The following KLHL3 variants were observed in gnomAD, a reference collection of about 807,000 sequenced individuals.
KLHL3 encodes the protein kelch-like protein 3.
A neutral mutation model predicts 70.5 loss-of-function variants in KLHL3; 19 were observed. The observed-to-expected ratio is 0.27, with a 90% confidence interval of 0.19 to 0.40. The LOEUF (loss-of-function observed/expected upper bound fraction) is 0.40, where lower values mean the gene tolerates loss of function less well. Among genes scored for constraint, KLHL3 ranks in the 10% least tolerant of loss-of-function variants. The pLI is 1.00. For missense variants in KLHL3, 512 were observed against 771.1 expected, an observed-to-expected ratio of 0.66 and a Z score of 3.98; for synonymous variants, 258 against 290.3, an observed-to-expected ratio of 0.89 and a Z score of 1.13.
chr5:137,699,304 C>A (rs1314730543), intron 3 of KLHL3, among the ~76,000 whole-genome samples: 1 of 151,938 alleles, frequency 6.6e-6, no homozygotes, highest in Non-Finnish European at 1.5e-5. Flanking sequence ...GGTGAAATGG[C>A]GAGAGGTTGG....
intron 7 of KLHL3, chr5:137,661,224 G>C (rs932086511): frequency 6.6e-6 from 1 of 152,156 alleles, no homozygotes; most frequent in African/African-American, 2.4e-5. Context: ...CCTCTCTAAG[G>C]CTAGTGACCC....
intron 5 of KLHL3, among the ~76,000 whole-genome samples, chr5:137,679,514 A>G (rs6874592): frequency 0.021 from 3,209 of 152,314 alleles, 119 homozygotes; most frequent in African/African-American, 0.073. Context: ...GAGGTAAGAA[A>G]GTAAAATTCT....
chr5:137,731,528 T>A (rs917188524), intron 1 of KLHL3, among the ~76,000 whole-genome samples: 1 of 152,174 alleles, frequency 6.6e-6, no homozygotes, highest in African/African-American at 2.4e-5. Context: ...ATATTCTCTA[T>A]CTGTCGTTCC....
chr5:137,657,286 A>G (rs950178302), intron 8 of KLHL3, among the ~76,000 whole-genome samples: 41 of 152,294 alleles, frequency 2.7e-4, no homozygotes, highest in African/African-American at 7.5e-4. Context: ...CTACTGTGTC[A>G]TCAATGAGAC....
At chr5:137,644,485 G>C (rs988351331) in intron 8 of KLHL3, among the ~76,000 whole-genome samples, 1 of 152,130 alleles carries the variant, frequency 6.6e-6, no homozygotes, top group Non-Finnish European at 1.5e-5. Flanking sequence ...AAACATGAGA[G>C]TACAGATATC....
chr5:137,662,321 T>C (rs1254193002), intron 6 of KLHL3, among the ~76,000 whole-genome samples: 1 of 151,432 alleles, frequency 6.6e-6, no homozygotes, highest in Non-Finnish European at 1.5e-5. Flanking sequence ...AGAATCATCA[T>C]GGTTCATTCT....
intron 11 of KLHL3, 110 bp from the exon 12 acceptor site, chr5:137,634,275 G>A: frequency 8.0e-7 from 1 of 1,257,734 alleles, no homozygotes; most frequent in Non-Finnish European, 1.1e-6. Context: ...TCAGAATTCT[G>A]TTCCCTCTTT....
At chr5:137,722,115 G>A (rs900762871) in intron 1 of KLHL3, among the ~76,000 whole-genome samples, 3 of 152,190 alleles carry the variant, frequency 2.0e-5, no homozygotes, top group South Asian at 4.1e-4. Flanking sequence ...TTTCCCTAGT[G>A]AGCCTCTATC....
chr5:137,709,675 T>G, intron 3 of KLHL3, 75 bp downstream of exon 3: 2 of 1,174,496 alleles, frequency 1.7e-6, no homozygotes, highest in Non-Finnish European at 2.6e-6. Context: ...CCTCCCCTCA[T>G]GTCACCACCC....
intron 10 of KLHL3, among the ~76,000 whole-genome samples, chr5:137,638,479 C>A (rs1424577971): frequency 2.6e-5 from 4 of 152,154 alleles, no homozygotes; most frequent in Non-Finnish European, 5.9e-5. Flanking sequence ...GGCAAGGAGG[C>A]TCACCTATGG....
At chr5:137,648,510 G>T (rs961494380) in intron 8 of KLHL3, among the ~76,000 whole-genome samples, 1 of 152,224 alleles carries the variant, frequency 6.6e-6, no homozygotes, top group African/African-American at 2.4e-5. Flanking sequence ...GTGGAACAGG[G>T]TAACGTAGGA....
intron 2 of KLHL3, among the ~76,000 whole-genome samples, chr5:137,719,087 G>C (rs553668603): frequency 2.0e-5 from 3 of 152,274 alleles, no homozygotes; most frequent in African/African-American, 7.2e-5. Context: ...TCAAAATTCA[G>C]CTCAAGCATC....
intron 2 of KLHL3, among the ~76,000 whole-genome samples, chr5:137,715,914 G>A (rs940801113): frequency 6.6e-6 from 1 of 152,266 alleles, no homozygotes; most frequent in East Asian, 1.9e-4. Flanking sequence ...CTCATTTTAT[G>A]GTTGACAAAA....
Position 137,634,185 on chromosome 5 carries a change from T to C in KLHL3, c.1322-20A>G. ...GCTTCCCTGCAATAGACAAAGTGGCTGAGTGTGGTGCCAGGGATACTGGCA... is the reference window on the plus strand; with the variant it reads ...GCTTCCCTGCAATAGACAAAGTGGCCGAGTGTGGTGCCAGGGATACTGGCA... On this transcript the variant is annotated intron_variant, in intron 11 of 14. Transcript: ENST00000309755. 1 of 1,590,300 alleles carries C rather than the reference T, an allele frequency of 6.3e-7. No individual in the cohort carries two copies.
chr5:137,734,269 C>T (rs531617828), intron 1 of KLHL3, among the ~76,000 whole-genome samples: 1 of 152,326 alleles, frequency 6.6e-6, no homozygotes, highest in South Asian at 2.1e-4. Context: ...GGACCAAAGA[C>T]ACTGCTCACC....
intron 1 of KLHL3, among the ~76,000 whole-genome samples, chr5:137,723,632 T>G (rs1177974441): frequency 6.6e-6 from 1 of 152,228 alleles, no homozygotes; most frequent in East Asian, 1.9e-4. Flanking sequence ...TGAACATAAA[T>G]TAGGTGTCCT....
chr5:137,701,033 ATTTC>A (rs1752555709), intron 3 of KLHL3, among the ~76,000 whole-genome samples: 1 of 150,846 alleles, frequency 6.6e-6, no homozygotes, highest in Non-Finnish European at 1.5e-5. Context: ...TAAAACTGGC[ATTTC>A]TTTTTTTTTT....
chr5:137,649,613 T>C (rs929965887), intron 8 of KLHL3, among the ~76,000 whole-genome samples: 1 of 152,234 alleles, frequency 6.6e-6, no homozygotes, highest in Non-Finnish European at 1.5e-5. Flanking sequence ...ATGTTTATTG[T>C]GTTAAGCCAT....
chr5:137,628,141 C>T, intron 13 of KLHL3, 156 bp downstream of exon 13: 1 of 874,306 alleles, frequency 1.1e-6, no homozygotes, highest in Non-Finnish European at 1.8e-6. Context: ...TTCTCCCCTC[C>T]TCTAATCAAG....
Sources: gnomAD v4.1 joint callset for allele counts (sites outside exome capture counted in the v4.1 genomes callset) on GRCh38, gnomAD v4.1.1 for gene constraint, MANE v1.5 for transcripts, NCBI Gene and HGNC (gene_info 2026-07-23, HGNC 2026-07-21) for gene names.